APP: variants seen among roughly 807,000 people sequenced by gnomAD.
APP encodes the protein amyloid beta precursor protein.
A neutral mutation model predicts 101.4 loss-of-function variants in APP; 31 were observed. That is an observed-to-expected ratio of 0.31 (90% CI 0.23 to 0.41). APP has a LOEUF of 0.41. Ranked by LOEUF, APP falls within the 10% of genes least tolerant of loss-of-function variation. The probability of loss-of-function intolerance (pLI) is 1.00; values close to 1 mark genes in which losing one functional copy is unlikely to be tolerated. For synonymous variants in APP, 366 were observed against 364.4 expected (o/e 1.00, Z -0.05); for missense variants, 839 against 1,003.7 (o/e 0.84, Z 2.22).
intron 1 of APP, among the ~76,000 whole-genome samples, chr21:26,132,254 T>C (rs1432668673): frequency 6.6e-6 from 1 of 152,128 alleles, no homozygotes; most frequent in Non-Finnish European, 1.5e-5. Context: ...GTCTCAAATA[T>C]GGTGTTTGGG....
intron 11 of APP, among the ~76,000 whole-genome samples, chr21:25,974,394 G>C (rs2042149538): frequency 6.6e-6 from 1 of 152,144 alleles, no homozygotes. Flanking sequence ...GATGCTATTT[G>C]AGGGTGAAAG....
At chr21:25,960,461 G>A (rs553508391) in intron 11 of APP, among the ~76,000 whole-genome samples, 1 of 152,244 alleles carries the variant, frequency 6.6e-6, no homozygotes, top group East Asian at 1.9e-4. Flanking sequence ...GAAAGGCCTA[G>A]GCAAAACTCT....
intron 13 of APP, among the ~76,000 whole-genome samples, chr21:25,914,105 T>C (rs971656328): frequency 6.6e-6 from 1 of 152,040 alleles, no homozygotes; most frequent in Non-Finnish European, 1.5e-5. Context: ...GGCAGAACCA[T>C]TCTCCCTCCC....
intron 5 of APP, among the ~76,000 whole-genome samples, chr21:26,033,246 C>T (rs1401064054): frequency 1.3e-5 from 2 of 152,174 alleles, no homozygotes; most frequent in Non-Finnish European, 2.9e-5. Context: ...TTTCCCCATG[C>T]TGTTCTCGTG....
intron 6 of APP, among the ~76,000 whole-genome samples, chr21:26,002,567 C>T (rs1359344880): frequency 6.6e-6 from 1 of 152,222 alleles, no homozygotes; most frequent in Non-Finnish European, 1.5e-5. Context: ...TAATCTCTTA[C>T]TCAGGCAGTG....
chr21:26,102,889 CAAAAAAAAAAAAAA>C (rs3084283), intron 2 of APP, among the ~76,000 whole-genome samples: 2 of 63,090 alleles, frequency 3.2e-5, no homozygotes, highest in Non-Finnish European at 5.8e-5. Flanking sequence ...GACTCTGTCT[CAAAAAAAAAAAAAA>C]AAAAAAAAAA....
intron 5 of APP, among the ~76,000 whole-genome samples, chr21:26,041,105 CA>C (rs1601298249): frequency 1.3e-5 from 2 of 152,122 alleles, no homozygotes; most frequent in Non-Finnish European, 2.9e-5. Flanking sequence ...GCCTTCCTTC[CA>C]AAACAAACAT....
chr21:26,064,465 G>A (rs2046382135), intron 3 of APP, among the ~76,000 whole-genome samples: 1 of 152,028 alleles, frequency 6.6e-6, no homozygotes, highest in African/African-American at 2.4e-5. Context: ...ACATAATAAG[G>A]TGTCATGCCA....
chr21:26,138,375 T>C (rs1015586187), intron 1 of APP, among the ~76,000 whole-genome samples: 1 of 152,062 alleles, frequency 6.6e-6, no homozygotes, highest in Non-Finnish European at 1.5e-5. Context: ...GATCAAAATA[T>C]GGGATTAAAC....
At chr21:26,127,760 C>T (rs2062713678) in intron 1 of APP, among the ~76,000 whole-genome samples, 1 of 152,214 alleles carries the variant, frequency 6.6e-6, no homozygotes, top group African/African-American at 2.4e-5. Context: ...GACATAGTAA[C>T]ATCCCACCTC....
chr21:25,917,811 A>C (rs1399780059), intron 13 of APP, among the ~76,000 whole-genome samples: 1 of 152,154 alleles, frequency 6.6e-6, no homozygotes, highest in East Asian at 1.9e-4. Flanking sequence ...AAGGAACTTA[A>C]ACAAATTTAC....
intron 1 of APP, among the ~76,000 whole-genome samples, chr21:26,125,224 G>C (rs2062656751): frequency 6.6e-6 from 1 of 152,186 alleles, no homozygotes; most frequent in African/African-American, 2.4e-5. Flanking sequence ...AAGCAAGCAA[G>C]AGCAGCATCC....
At chr21:26,131,331 TA>T (rs1225441745) in intron 1 of APP, among the ~76,000 whole-genome samples, 1 of 152,172 alleles carries the variant, frequency 6.6e-6, no homozygotes, top group Non-Finnish European at 1.5e-5. Context: ...AACACTTCAT[TA>T]TTTACCAAAG....
chr21:26,055,227 C>G (rs995247531), intron 3 of APP, among the ~76,000 whole-genome samples: 1 of 152,204 alleles, frequency 6.6e-6, no homozygotes, highest in Non-Finnish European at 1.5e-5. Flanking sequence ...CTCCACAGGG[C>G]CACATCACGG....
intron 8 of APP, among the ~76,000 whole-genome samples, chr21:25,987,341 G>A (rs1033346052): frequency 6.6e-6 from 1 of 152,116 alleles, no homozygotes; most frequent in African/African-American, 2.4e-5. Flanking sequence ...CAAAAACCTA[G>A]ACTTAAAACG....
At chr21:26,034,415 C>T (rs913966679) in intron 5 of APP, among the ~76,000 whole-genome samples, 4 of 151,762 alleles carry the variant, frequency 2.6e-5, no homozygotes, top group Admixed American at 6.6e-5. Flanking sequence ...GAGGCTGAGG[C>T]GGGCGGATCT....
intron 16 of APP, among the ~76,000 whole-genome samples, chr21:25,897,260 T>G (rs370986650): frequency 1.6e-3 from 238 of 152,130 alleles, no homozygotes; most frequent in Non-Finnish European, 2.3e-3. Context: ...CTACAGGTGT[T>G]TGCCACCACA....
intron 3 of APP, among the ~76,000 whole-genome samples, chr21:26,076,638 A>G (rs1208318522): frequency 6.6e-6 from 1 of 152,250 alleles, no homozygotes; most frequent in Non-Finnish European, 1.5e-5. Flanking sequence ...TATAGCCAAG[A>G]AAAAGCAAAC....
At chr21:25,891,678 T>C in intron 17 of APP, 44 bp downstream of exon 17, 2 of 1,602,138 alleles carry the variant, frequency 1.2e-6, no homozygotes, top group Non-Finnish European at 8.6e-7. Context: ...AATTCTCTCA[T>C]AGTCTTAATT....
Sources: gnomAD v4.1 joint callset for allele counts (sites outside exome capture counted in the v4.1 genomes callset) on GRCh38, gnomAD v4.1.1 for gene constraint, MANE v1.5 for transcripts, NCBI Gene and HGNC (gene_info 2026-07-23, HGNC 2026-07-21) for gene names.